TMEM74: variants seen among roughly 807,000 people sequenced by gnomAD.
The protein encoded by TMEM74 is transmembrane protein 74.
In TMEM74, 13 loss-of-function variants were observed where a neutral mutation model predicts 18.1. The ratio of observed to expected loss-of-function variants is 0.72; its 90% CI spans 0.47 to 1.14. The LOEUF (loss-of-function observed/expected upper bound fraction) is 1.14, where lower values mean the gene tolerates loss of function less well. TMEM74 is among the 50% of genes most tolerant of loss of function. The probability of loss-of-function intolerance (pLI) is 0.00; values close to 1 mark genes in which losing one functional copy is unlikely to be tolerated. For missense variants in TMEM74, 372 were observed against 375.9 expected, an observed-to-expected ratio of 0.99 and a Z score of 0.09; for synonymous variants, 159 against 146.6, an observed-to-expected ratio of 1.08 and a Z score of -0.61.
rs145312965 is a variant in TMEM74 at position 108,736,524 on chromosome 8, C to T, written n.119+50952G>A. Among the ~76,000 whole-genome samples, 492 of 152,090 alleles carry T rather than the reference C, an allele frequency of 3.2e-3. 1 individual carries two copies. The highest frequency in any genetic ancestry group is 0.011 in the African/African-American group (463 of 41,496). On this transcript the variant is annotated intron_variant and non_coding_transcript_variant, in intron 1 of 3. Coordinates refer to the TMEM74 transcript ENST00000518838. ...TTGGTATCATAGAAGCTATAGTTTT[C>T]GATTCCAGGGAAATGCACAATATGC...
chr8:108,756,664 G>GAAAGA (rs1437947379), intron 1 of TMEM74, among the ~76,000 whole-genome samples: 1 of 84,108 alleles, frequency 1.2e-5, no homozygotes, highest in Non-Finnish European at 2.3e-5. Flanking sequence ...AAGAAAGAAA[G>GAAAGA]AAAGAAAGAA....
rs1437325572 is a variant in TMEM74 at position 108,657,840 on chromosome 8, C to G, written n.120-2403G>C. ...CCTGGGTGACAGAGTGAGACACCGT[C>G]TCAAAAAAAAAAAAAAAAAATATAT... On this transcript the variant is annotated intron_variant and non_coding_transcript_variant, in intron 1 of 3. Coordinates refer to the TMEM74 transcript ENST00000518838. 2.5e-4 allele frequency among the ~76,000 whole-genome samples: 4 copies of G among 16,026 alleles called. No homozygotes were observed. The East Asian group carries it at 8.5e-3, about 34-fold the overall frequency. 10.5% of individuals were successfully genotyped at this position (16,026 alleles called of 152,430 possible).
At chr8:108,763,857 C>T (rs1050504446) in intron 1 of TMEM74, among the ~76,000 whole-genome samples, 2 of 152,112 alleles carry the variant, frequency 1.3e-5, no homozygotes, top group African/African-American at 4.8e-5. Context: ...AAAATTCTTC[C>T]AACTTTTAAT....
At chr8:108,690,439 G>A (rs753588381) in intron 1 of TMEM74, among the ~76,000 whole-genome samples, 1 of 151,394 alleles carries the variant, frequency 6.6e-6, no homozygotes, top group East Asian at 1.9e-4. Context: ...TGCCATCAGA[G>A]TGATAGTCAT....
At chr8:108,610,030 G>T (rs1313580916) in intron 2 of TMEM74, among the ~76,000 whole-genome samples, 1 of 152,176 alleles carries the variant, frequency 6.6e-6, no homozygotes, top group East Asian at 1.9e-4. Flanking sequence ...CCTTTAGTGT[G>T]CATTAAGTAC....
chr8:108,628,843 T>C (rs148333237), intron 2 of TMEM74, among the ~76,000 whole-genome samples: 18,658 of 152,156 alleles, frequency 0.12, 1,545 homozygotes, highest in East Asian at 0.43. Context: ...CATGAGATGG[T>C]ATCTCACTGT....
intron 2 of TMEM74, among the ~76,000 whole-genome samples, chr8:108,638,564 T>TAAA (rs34250538): frequency 7.2e-6 from 1 of 138,136 alleles, no homozygotes. Context: ...TCTCTAGCAT[T>TAAA]AAAAAAAAAA....
chr8:108,667,430 G>A (rs1812959489), intron 1 of TMEM74, among the ~76,000 whole-genome samples: 1 of 152,130 alleles, frequency 6.6e-6, no homozygotes, highest in Admixed American at 6.6e-5. Flanking sequence ...ATCAGTTACT[G>A]AGTAATTTTT....
In TMEM74 at chr8:108,781,799, T is replaced by C. The variant is rs1275988475; in HGVS notation, c.*2382A>G. Among the ~76,000 whole-genome samples, 1 of 152,220 alleles carries C rather than the reference T, an allele frequency of 6.6e-6. No homozygotes were observed. Among genetic ancestry groups the C allele is most frequent in the Non-Finnish European group, 1.5e-5 (1 of 68,028 alleles). ...CCCGTTGAATATTTTTTTTCCAAAA[T>C]GGCATTTTTCAAAATGTTACCTCTA... On this transcript the variant is annotated 3_prime_UTR_variant, in exon 2 of 2. Coordinates refer to ENST00000297459, the MANE Select transcript of TMEM74 (RefSeq NM_153015.3).
chr8:108,757,516 C>G (rs1040328034), intron 1 of TMEM74, among the ~76,000 whole-genome samples: 5 of 151,828 alleles, frequency 3.3e-5, no homozygotes, highest in Non-Finnish European at 7.4e-5. Flanking sequence ...TATTCACAAG[C>G]TTATATAATA....
intron 2 of TMEM74, among the ~76,000 whole-genome samples, chr8:108,615,818 G>GTTTTTT (rs1563732679): frequency 2.1e-5 from 2 of 96,370 alleles, no homozygotes; most frequent in African/African-American, 7.6e-5. Flanking sequence ...TTGCATGGGA[G>GTTTTTT]CTTTTTTTTT....
At chr8:108,669,948 G>T (rs889954428) in intron 1 of TMEM74, among the ~76,000 whole-genome samples, 3 of 146,288 alleles carry the variant, frequency 2.1e-5, no homozygotes, top group African/African-American at 7.6e-5. Context: ...TGAGGCAAGA[G>T]AATCACTTGA....
chr8:108,676,877 A>C (rs1346605633), intron 1 of TMEM74, among the ~76,000 whole-genome samples: 4 of 152,310 alleles, frequency 2.6e-5, no homozygotes, highest in South Asian at 4.1e-4. Context: ...CAGGCACAAA[A>C]CAGTTGTTGA....
At position 108,707,969 on chromosome 8, in the gene TMEM74, C is replaced by T. The variant is rs189896983; in HGVS notation, n.120-52532G>A. The stretch of plus-strand genomic sequence containing the variant: ...ATCGGTTTTGATGTACAGATTGTTT[C>T]ATCATCTAGGTAAGAAGCATAGTAC... On this transcript the variant is annotated intron_variant and non_coding_transcript_variant, in intron 1 of 3. Coordinates refer to the TMEM74 transcript ENST00000518838. Among the ~76,000 whole-genome samples, 54 of 152,242 alleles carry T rather than the reference C, an allele frequency of 3.5e-4. 1 individual carries two copies. The highest frequency in any genetic ancestry group is 2.9e-3 in the Admixed American group (44 of 15,284).
At chr8:108,702,420 A>G (rs1337247254) in intron 1 of TMEM74, among the ~76,000 whole-genome samples, 1 of 151,126 alleles carries the variant, frequency 6.6e-6, no homozygotes, top group Non-Finnish European at 1.5e-5. Context: ...TTGACAAAGG[A>G]GGAAAGGAAA....
chr8:108,739,522 AG>A (rs1375635497), intron 1 of TMEM74, among the ~76,000 whole-genome samples: 2 of 152,320 alleles, frequency 1.3e-5, no homozygotes, highest in Admixed American at 1.3e-4. Context: ...CAAAGAGGGA[AG>A]AGTTGTTTTA....
intron 1 of TMEM74, among the ~76,000 whole-genome samples, chr8:108,763,395 C>G (rs1814067534): frequency 6.6e-6 from 1 of 152,088 alleles, no homozygotes; most frequent in Non-Finnish European, 1.5e-5. Flanking sequence ...CATATAAACA[C>G]AAACCTAGGC....
chr8:108,625,454 C>T (rs1812484643), intron 2 of TMEM74, among the ~76,000 whole-genome samples: 1 of 151,990 alleles, frequency 6.6e-6, no homozygotes, highest in Non-Finnish European at 1.5e-5. Context: ...GCGTCTATTG[C>T]TTTCCAGTTC....
chr8:108,717,581 G>A lies in TMEM74; in HGVS notation n.120-62144C>T, dbSNP rs555155499. ...TCCAGAGAGAAACAAAGGGTGACAG[G>A]CAGATAGGGAATGCTGGGGATGGGA... On this transcript the variant is annotated intron_variant and non_coding_transcript_variant, in intron 1 of 3. Transcript: ENST00000518838. Among the ~76,000 whole-genome samples the A allele has an allele frequency of 2.0e-5, 3 of 152,234 alleles. No individual in the cohort carries two copies. In the South Asian group the frequency reaches 6.2e-4, roughly 32 times the overall value.
Sources: gnomAD v4.1 joint callset for allele counts (sites outside exome capture counted in the v4.1 genomes callset) on GRCh38, gnomAD v4.1.1 for gene constraint, MANE v1.5 for transcripts, NCBI Gene and HGNC (gene_info 2026-07-23, HGNC 2026-07-21) for gene names.